Variants in PLCB1 observed in about 807,000 individuals in gnomAD.
PLCB1 encodes the protein 1-phosphatidylinositol 4,5-bisphosphate phosphodiesterase beta-1.
PLCB1 carries 46 observed loss-of-function variants against 161.8 expected under a neutral mutation model. The observed-to-expected ratio is 0.28, with a 90% confidence interval of 0.22 to 0.36. The LOEUF is 0.36. PLCB1 is among the 10% of genes least tolerant of loss of function. The pLI, the probability that PLCB1 is intolerant of heterozygous loss-of-function variation, is 1.00. For missense variants in PLCB1, 1,016 were observed against 1,472.5 expected, an observed-to-expected ratio of 0.69 and a Z score of 5.07; for synonymous variants, 517 against 503.7, an observed-to-expected ratio of 1.03 and a Z score of -0.35.
intron 27 of PLCB1, among the ~76,000 whole-genome samples, chr20:8,781,619 G>T (rs570778678): frequency 6.6e-6 from 1 of 152,156 alleles, no homozygotes; most frequent in African/African-American, 2.4e-5. Flanking sequence ...GTATTAGTCC[G>T]TTTTCACATG....
chr20:8,319,765 C>T (rs2122154034), intron 2 of PLCB1, among the ~76,000 whole-genome samples: 1 of 150,170 alleles, frequency 6.7e-6, no homozygotes, highest in Non-Finnish European at 1.5e-5. Flanking sequence ...TAAAGATTCT[C>T]CTTATTTACC....
chr20:8,808,867 G>T (rs1270432507), intron 31 of PLCB1, among the ~76,000 whole-genome samples: 1 of 152,032 alleles, frequency 6.6e-6, no homozygotes, highest in African/African-American at 2.4e-5. Flanking sequence ...TTTGTGACCT[G>T]GTTATTCAAC....
chr20:8,423,570 T>G (rs1022065), intron 3 of PLCB1, among the ~76,000 whole-genome samples: 62,767 of 152,062 alleles, frequency 0.41, 13,792 homozygotes, highest in Non-Finnish European at 0.5. Context: ...TATATCAATA[T>G]TTTGAATAAA....
intron 2 of PLCB1, among the ~76,000 whole-genome samples, chr20:8,276,139 GATTA>G (rs1330028008): frequency 6.6e-6 from 1 of 152,196 alleles, no homozygotes; most frequent in East Asian, 1.9e-4. Context: ...AAACAAAAAA[GATTA>G]ATTAAAAATG....
intron 2 of PLCB1, among the ~76,000 whole-genome samples, chr20:8,273,388 A>G (rs962086084): frequency 6.6e-6 from 1 of 152,170 alleles, no homozygotes; most frequent in African/African-American, 2.4e-5. Context: ...GTTGCTTTTT[A>G]TACTAATTTC....
rs1192881615 is a variant in PLCB1, at chr20:8,765,216, A to G, written c.2788A>G (p.Met930Val). The G allele has an allele frequency of 1.9e-6, 3 of 1,614,048 alleles. No individual in the cohort carries two copies. Among genetic ancestry groups the G allele is most frequent in the Non-Finnish European group, 2.5e-6 (3 of 1,180,000 alleles). ...VKLQKKHYKE[M>V]KDLVKRHHKK... is the part of the protein sequence containing the mutation. ...ACTTCAAAAGAAACACTACAAAGAA[A>G]TGAAAGACCTGGTTAAGAGACACCA... is the stretch of plus-strand genomic sequence containing the variant. Residue 930 changes from methionine to valine, a missense_variant, in exon 26 of 32, where the codon ATG becomes GTG. Coordinates refer to ENST00000338037, the MANE Select transcript of PLCB1 (RefSeq NM_015192.4).
intron 2 of PLCB1, among the ~76,000 whole-genome samples, chr20:8,363,609 G>C (rs1986612946): frequency 6.6e-6 from 1 of 152,118 alleles, no homozygotes; most frequent in Non-Finnish European, 1.5e-5. Context: ...ATAACATAAT[G>C]GTGGGAGTGA....
chr20:8,783,959 AG>A (rs1469875796), intron 27 of PLCB1, among the ~76,000 whole-genome samples: 2 of 152,154 alleles, frequency 1.3e-5, no homozygotes, highest in African/African-American at 4.8e-5. Flanking sequence ...TCCCAAGGGA[AG>A]CATGTGGGTG....
chr20:8,388,289 T>G (rs1008504968), intron 3 of PLCB1, among the ~76,000 whole-genome samples: 1 of 152,326 alleles, frequency 6.6e-6, no homozygotes, highest in Admixed American at 6.5e-5. Context: ...TAGCTCATCA[T>G]AGAATCTGGA....
At chr20:8,642,202 C>T (rs1044771339) in intron 4 of PLCB1, among the ~76,000 whole-genome samples, 2 of 151,946 alleles carry the variant, frequency 1.3e-5, no homozygotes, top group Admixed American at 1.3e-4. Flanking sequence ...AAGATAAAAA[C>T]GAGAGCACTT....
At chr20:8,729,886 C>G (rs1014426631) in intron 18 of PLCB1, 1 of 151,994 alleles carries the variant, frequency 6.6e-6, no homozygotes, top group Middle Eastern at 3.4e-3. Context: ...GACGTGGCCT[C>G]TCATTTGCGA....
intron 2 of PLCB1, among the ~76,000 whole-genome samples, chr20:8,180,745 TAAC>T (rs1182063459): frequency 6.6e-6 from 1 of 152,174 alleles, no homozygotes; most frequent in African/African-American, 2.4e-5. Flanking sequence ...CCATCTAGGA[TAAC>T]AATAAATGAG....
chr20:8,720,253 A>G (rs1979552176), intron 14 of PLCB1, among the ~76,000 whole-genome samples: 1 of 152,182 alleles, frequency 6.6e-6, no homozygotes, highest in African/African-American at 2.4e-5. Flanking sequence ...TATTAACAGG[A>G]TGCATAACAC....
intron 9 of PLCB1, among the ~76,000 whole-genome samples, chr20:8,661,331 A>C (rs1418646698): frequency 6.6e-6 from 1 of 152,040 alleles, no homozygotes; most frequent in Non-Finnish European, 1.5e-5. Context: ...GTACAGAAAA[A>C]TTTTGGCTAA....
chr20:8,236,377 C>A lies in PLCB1; in HGVS notation c.177+86006C>A, dbSNP rs1360360977. The stretch of plus-strand genomic sequence containing the variant: ...GAGACCCCTGTCTTTACAAAAAATT[C>A]AAAAAATTAGCTATGGGTAGTGGTG... On this transcript the variant is annotated intron_variant, in intron 2 of 31. Transcript: ENST00000338037. 3.3e-5 allele frequency among the ~76,000 whole-genome samples: 5 copies of A among 151,724 alleles called. No individual in the cohort carries two copies. The East Asian group carries it at 7.8e-4, about 24-fold the overall frequency.
chr20:8,326,561 C>G (rs1985162569), intron 2 of PLCB1, among the ~76,000 whole-genome samples: 1 of 152,128 alleles, frequency 6.6e-6, no homozygotes, highest in African/African-American at 2.4e-5. Context: ...GTGTAAGTTA[C>G]CTGCTTTTTC....
intron 2 of PLCB1, among the ~76,000 whole-genome samples, chr20:8,360,425 C>G (rs189195331): frequency 2.8e-4 from 42 of 152,230 alleles, no homozygotes; most frequent in Non-Finnish European, 4.7e-4. Context: ...GAAAATGGCT[C>G]TACATTGATT....
intron 31 of PLCB1, among the ~76,000 whole-genome samples, chr20:8,860,450 A>G (rs1276783023): frequency 6.6e-6 from 1 of 152,208 alleles, no homozygotes; most frequent in African/African-American, 2.4e-5. Context: ...ACCTTATATG[A>G]CTAGCTCGTG....
chr20:8,491,472 G>A (rs1982942986), intron 3 of PLCB1, among the ~76,000 whole-genome samples: 1 of 151,888 alleles, frequency 6.6e-6, no homozygotes, highest in Admixed American at 6.6e-5. Context: ...CCACTTTTCT[G>A]GGAACAAGTT....
Sources: allele counts gnomAD v4.1 joint callset (sites outside exome capture counted in the v4.1 genomes callset), GRCh38; gene constraint gnomAD v4.1.1; transcripts MANE v1.5; gene names NCBI Gene and HGNC (gene_info 2026-07-23, HGNC 2026-07-21).